Variants in NAA25 observed in about 807,000 individuals in gnomAD.
NAA25 encodes the protein N-alpha-acetyltransferase 25, NatB auxiliary subunit.
A neutral mutation model predicts 132.5 loss-of-function variants in NAA25; 30 were observed. The observed-to-expected ratio is 0.23, with a 90% CI of 0.17 to 0.31. NAA25 has a LOEUF of 0.31. Ranked by LOEUF, NAA25 falls within the 10% of genes least tolerant of loss-of-function variation. The probability of loss-of-function intolerance (pLI) is 1.00; values close to 1 mark genes in which losing one functional copy is unlikely to be tolerated. For synonymous variants in NAA25, 359 were observed against 401.9 expected (o/e 0.89, Z 1.28); for missense variants, 771 against 1,150.4 (o/e 0.67, Z 4.77).
chr12:112,054,411 C>T lies in NAA25; in HGVS notation c.1605G>A (p.Lys535=), dbSNP rs1450587533. ...ACCCAATGGTATCATGCTGGATATG[C>T]TTAGCATCGAGGCTGGAGTAAAGAT... The part of the protein sequence containing the change: ...VVDLYSSLDA[K]HIQHDTIGYL... Residue 535 remains lysine (K), a synonymous_variant, in exon 14 of 24, where the codon AAG becomes AAA. Transcript: ENST00000261745. 2.5e-6 allele frequency: 4 copies of T among 1,614,072 alleles called. No homozygotes were observed.
At chr12:112,068,204 T>A (rs998647153) in intron 11 of NAA25, among the ~76,000 whole-genome samples, 14 of 152,178 alleles carry the variant, frequency 9.2e-5, no homozygotes, top group African/African-American at 3.1e-4. Context: ...CGTACCTGGC[T>A]GTACTTCACA....
At chr12:112,086,845 C>G (rs1213863673) in intron 4 of NAA25, among the ~76,000 whole-genome samples, 2 of 151,830 alleles carry the variant, frequency 1.3e-5, no homozygotes, top group African/African-American at 2.4e-5. Context: ...AACCCTGTCT[C>G]TATTAAAAAT....
chr12:112,090,073 T>G (rs1389387956), intron 3 of NAA25, among the ~76,000 whole-genome samples: 1 of 151,920 alleles, frequency 6.6e-6, no homozygotes, highest in East Asian at 1.9e-4. Context: ...TCAAATGATC[T>G]GCCAGCCTCG....
At chr12:112,091,244 G>GA (rs754405360) in intron 2 of NAA25, among the ~76,000 whole-genome samples, 282 of 131,074 alleles carry the variant, frequency 2.2e-3, no homozygotes, top group Non-Finnish European at 2.4e-3. Flanking sequence ...ATCCTGTCTC[G>GA]AAAAAAAAAA....
Position 112,108,714 on chromosome 12 carries a change from A to G in NAA25, c.58+2T>C, listed in dbSNP as rs1480189195. The stretch of plus-strand genomic sequence containing the variant: ...GCGAGCGGGCTGGTCCAAGACACTC[A>G]CCGTAAATGGGCCGGAGGCGCCTGT... On this transcript the variant is annotated splice_donor_variant, in intron 1 of 23. Transcript: ENST00000261745. LOFTEE classifies it high-confidence loss of function. 1.3e-6 allele frequency: 2 copies of G among 1,523,480 alleles called. No homozygotes were observed. The highest frequency in any genetic ancestry group is 1.8e-4 in the Middle Eastern group (1 of 5,490). The allele number at this position is 1,523,480 out of a possible 1,614,324, so 94.4% of individuals were successfully genotyped here.
chr12:112,089,976 C>T (rs1420581016), intron 3 of NAA25, among the ~76,000 whole-genome samples: 1 of 151,078 alleles, frequency 6.6e-6, no homozygotes, highest in Non-Finnish European at 1.5e-5. Context: ...GGATTACAGG[C>T]GTGCACCACC....
chr12:112,093,010 A>C, intron 2 of NAA25, 41 bp downstream of exon 2: 16 of 1,400,710 alleles, frequency 1.1e-5, no homozygotes, highest in Non-Finnish European at 1.4e-5. Flanking sequence ...TTACAAATAT[A>C]ACCCGCCACA....
At chr12:112,108,665 G>A (rs1403473041) in intron 1 of NAA25, 51 bp downstream of exon 1, 1 of 1,411,426 alleles carries the variant, frequency 7.1e-7, no homozygotes, top group Non-Finnish European at 9.3e-7. Context: ...CCCCAGCCTC[G>A]GCAGCCCTCG....
chr12:112,070,564 A>AT (rs1001782635), intron 10 of NAA25, among the ~76,000 whole-genome samples: 7 of 151,384 alleles, frequency 4.6e-5, no homozygotes, highest in East Asian at 3.9e-4. Context: ...GACTGTTTTT[A>AT]TTTTTTTTTA....
intron 13 of NAA25, among the ~76,000 whole-genome samples, chr12:112,057,772 C>T (rs1566009710): frequency 2.0e-5 from 3 of 152,132 alleles, no homozygotes; most frequent in South Asian, 4.1e-4. Flanking sequence ...GGGTGGATCA[C>T]GAGGTCAAGA....
At chr12:112,047,887 G>C in intron 16 of NAA25, 97 bp from the exon 17 acceptor site, 1 of 1,232,538 alleles carries the variant, frequency 8.1e-7, no homozygotes, top group Non-Finnish European at 1.1e-6. Flanking sequence ...GGAAGGGAAA[G>C]AGGAAGGAAG....
chr12:112,084,682 C>T (rs778401526), intron 4 of NAA25, among the ~76,000 whole-genome samples: 14 of 151,586 alleles, frequency 9.2e-5, no homozygotes, highest in Non-Finnish European at 1.3e-4. Context: ...CCCAGCTACT[C>T]GGGAGGCTGA....
intron 22 of NAA25, among the ~76,000 whole-genome samples, chr12:112,036,767 G>T (rs1349454526): frequency 1.3e-5 from 2 of 151,388 alleles, no homozygotes; most frequent in East Asian, 3.9e-4. Context: ...AGAATCGCTT[G>T]AAACTGGAAA....
chr12:112,028,132 G>GA lies in NAA25; in HGVS notation c.*1398dup, dbSNP rs1422012370. On this transcript the variant is annotated 3_prime_UTR_variant, in exon 24 of 24. Transcript: ENST00000261745. Reference sequence around the variant, plus strand: ...CCAGCTCTCTTGGTTGCTTTTAAAAGAAAAAAGTACCACATTTCACTGGAG... The same window carrying GA: ...CCAGCTCTCTTGGTTGCTTTTAAAAGAAAAAAAGTACCACATTTCACTGGAG... 6.6e-6 allele frequency: 1 copy of GA among 152,116 alleles called. No homozygotes were observed. Among genetic ancestry groups the GA allele is most frequent in the African/African-American group, 2.4e-5 (1 of 41,436 alleles). The allele number at this position is 152,116 out of a possible 1,614,324, so 9.4% of individuals were successfully genotyped here. A position where few individuals can be genotyped will look rare whatever the true frequency, so the allele number is the denominator to read the frequency against.
At chr12:112,081,802 C>T (rs2078976499) in intron 4 of NAA25, among the ~76,000 whole-genome samples, 1 of 152,124 alleles carries the variant, frequency 6.6e-6, no homozygotes, top group Admixed American at 6.5e-5. Context: ...TTGCCTACTG[C>T]CAATCTAATT....
chr12:112,065,115 C>A (rs751310149), intron 11 of NAA25, among the ~76,000 whole-genome samples: 1 of 152,146 alleles, frequency 6.6e-6, no homozygotes. Context: ...AATCCCAGCA[C>A]TTTGGGAGGC....
intron 19 of NAA25, among the ~76,000 whole-genome samples, chr12:112,042,729 A>G (rs939984028): frequency 6.6e-6 from 1 of 152,060 alleles, no homozygotes; most frequent in Non-Finnish European, 1.5e-5. Flanking sequence ...CTGGTCTCGA[A>G]CTCCTGACCT....
chr12:112,073,754 G>A (rs1410706431), intron 9 of NAA25, among the ~76,000 whole-genome samples: 1 of 151,562 alleles, frequency 6.6e-6, no homozygotes, highest in Non-Finnish European at 1.5e-5. Flanking sequence ...TTTAACTCTA[G>A]ATGCCTATAA....
intron 5 of NAA25, among the ~76,000 whole-genome samples, chr12:112,080,822 G>T (rs544980821): frequency 6.6e-6 from 1 of 152,070 alleles, no homozygotes; most frequent in South Asian, 2.1e-4. Flanking sequence ...TTTTTAATTA[G>T]CCAGGCAAGG....
Sources: allele counts gnomAD v4.1 joint callset (sites outside exome capture counted in the v4.1 genomes callset), GRCh38; gene constraint gnomAD v4.1.1; transcripts MANE v1.5; gene names NCBI Gene and HGNC (gene_info 2026-07-23, HGNC 2026-07-21).